PTPRD: variants seen among roughly 807,000 people sequenced by gnomAD.
PTPRD encodes the protein protein tyrosine phosphatase receptor type D.
A neutral mutation model predicts 214.5 loss-of-function variants in PTPRD; 34 were observed. The observed-to-expected ratio is 0.16, with a 90% CI of 0.12 to 0.21. The LOEUF is 0.21. Among genes scored for constraint, PTPRD ranks in the 10% least tolerant of loss-of-function variants. The probability of loss-of-function intolerance (pLI) is 1.00; values close to 1 mark genes in which losing one functional copy is unlikely to be tolerated. For synonymous variants in PTPRD, 1,128 were observed against 845.7 expected, an observed-to-expected ratio of 1.33 and a Z score of -5.79; for missense variants, 2,545 against 2,398.7, an observed-to-expected ratio of 1.06 and a Z score of -1.27.
At chr9:8,874,863 G>A (rs935553446) in intron 11 of PTPRD, among the ~76,000 whole-genome samples, 1 of 152,200 alleles carries the variant, frequency 6.6e-6, no homozygotes, top group African/African-American at 2.4e-5. Flanking sequence ...GTGAGACAAT[G>A]TCTAGATATT....
At chr9:9,228,680 A>T (rs1427623723) in intron 9 of PTPRD, among the ~76,000 whole-genome samples, 1 of 152,140 alleles carries the variant, frequency 6.6e-6, no homozygotes, top group African/African-American at 2.4e-5. Flanking sequence ...AATGAATGAA[A>T]TCTTACAATG....
At chr9:9,887,167 T>C (rs535435515) in intron 5 of PTPRD, among the ~76,000 whole-genome samples, 30 of 152,262 alleles carry the variant, frequency 2.0e-4, no homozygotes, top group African/African-American at 6.3e-4. Context: ...TCAACTTTCA[T>C]ATTTTTTCTC....
intron 4 of PTPRD, among the ~76,000 whole-genome samples, chr9:9,960,761 A>T (rs76156620): frequency 6.6e-6 from 1 of 152,190 alleles, no homozygotes; most frequent in East Asian, 1.9e-4. Flanking sequence ...CTAAAGACAC[A>T]TGATAACTAA....
intron 2 of PTPRD, among the ~76,000 whole-genome samples, chr9:10,485,175 G>A (rs1045771594): frequency 3.8e-4 from 58 of 151,910 alleles, no homozygotes; most frequent in African/African-American, 1.2e-3. Context: ...TTCACTGCAG[G>A]TATGTAAACT....
intron 11 of PTPRD, among the ~76,000 whole-genome samples, chr9:8,931,673 T>C (rs866331945): frequency 5.9e-5 from 9 of 152,102 alleles, no homozygotes; most frequent in Non-Finnish European, 1.0e-4. Flanking sequence ...ATGATGCATG[T>C]CTCATGAAAT....
At chr9:9,586,901 C>T (rs895605399) in intron 7 of PTPRD, among the ~76,000 whole-genome samples, 2 of 151,888 alleles carry the variant, frequency 1.3e-5, no homozygotes, top group African/African-American at 4.8e-5. Context: ...TCTTATTCTT[C>T]TTCATCAATT....
chr9:9,219,561 A>G (rs1593855303), intron 9 of PTPRD, among the ~76,000 whole-genome samples: 1 of 152,146 alleles, frequency 6.6e-6, no homozygotes, highest in Non-Finnish European at 1.5e-5. Context: ...TTCTTTCCCA[A>G]TAATACATAT....
At chr9:10,293,745 G>A (rs1475646209) in intron 3 of PTPRD, among the ~76,000 whole-genome samples, 1 of 152,056 alleles carries the variant, frequency 6.6e-6, no homozygotes, top group East Asian at 1.9e-4. Context: ...GTTTTGAGAT[G>A]TAATTCTAGC....
chr9:8,620,548 G>C (rs1428280958), intron 14 of PTPRD, among the ~76,000 whole-genome samples: 2 of 152,086 alleles, frequency 1.3e-5, no homozygotes, highest in Non-Finnish European at 2.9e-5. Flanking sequence ...GCAATGAGAG[G>C]AGATAGAAAC....
intron 2 of PTPRD, among the ~76,000 whole-genome samples, chr9:10,414,222 C>G (rs1429887620): frequency 6.6e-6 from 1 of 151,692 alleles, no homozygotes; most frequent in African/African-American, 2.4e-5. Context: ...AAAGGTCTAA[C>G]ATCTAGCGTC....
At chr9:9,833,931 T>C (rs2055887891) in intron 5 of PTPRD, among the ~76,000 whole-genome samples, 1 of 152,048 alleles carries the variant, frequency 6.6e-6, no homozygotes, top group Non-Finnish European at 1.5e-5. Flanking sequence ...ACATGCTGTA[T>C]AATTTTTGTA....
At chr9:8,919,584 C>G (rs2098810814) in intron 11 of PTPRD, among the ~76,000 whole-genome samples, 1 of 152,128 alleles carries the variant, frequency 6.6e-6, no homozygotes, top group South Asian at 2.1e-4. Context: ...AATGCTGTGT[C>G]ATGCAGAAAC....
At chr9:9,766,227 C>T (rs1015825555) in intron 6 of PTPRD, among the ~76,000 whole-genome samples, 9 of 152,108 alleles carry the variant, frequency 5.9e-5, no homozygotes, top group African/African-American at 2.2e-4. Context: ...TCTTTAATAA[C>T]ATCTTTTTTC....
chr9:8,779,190 G>A (rs1165180187), intron 11 of PTPRD, among the ~76,000 whole-genome samples: 1 of 152,184 alleles, frequency 6.6e-6, no homozygotes, highest in Non-Finnish European at 1.5e-5. Flanking sequence ...GGAAGACAGA[G>A]AGAGCGAGCG....
chr9:9,817,045 G>A (rs1474287825), intron 5 of PTPRD, among the ~76,000 whole-genome samples: 1 of 151,984 alleles, frequency 6.6e-6, no homozygotes, highest in African/African-American at 2.4e-5. Flanking sequence ...TAAATTACCA[G>A]CTGTCAAAAA....
chr9:9,827,642 C>G (rs995792873), intron 5 of PTPRD, among the ~76,000 whole-genome samples: 2 of 152,038 alleles, frequency 1.3e-5, no homozygotes, highest in African/African-American at 4.8e-5. Context: ...GCAACAAAAG[C>G]CAAAACTGAT....
chr9:9,152,715 T>C (rs1055016681), intron 10 of PTPRD, among the ~76,000 whole-genome samples: 1 of 152,190 alleles, frequency 6.6e-6, no homozygotes, highest in Non-Finnish European at 1.5e-5. Context: ...TGTCACCCAG[T>C]GGTTTCTTTT....
intron 8 of PTPRD, among the ~76,000 whole-genome samples, chr9:9,513,414 G>A (rs1178894125): frequency 6.6e-6 from 1 of 151,764 alleles, no homozygotes; most frequent in Non-Finnish European, 1.5e-5. Flanking sequence ...GAAAGGGGAT[G>A]TTTTTACTCA....
At chr9:8,922,713 C>T (rs1202960111) in intron 11 of PTPRD, among the ~76,000 whole-genome samples, 4 of 152,054 alleles carry the variant, frequency 2.6e-5, no homozygotes, top group Non-Finnish European at 4.4e-5. Flanking sequence ...GTGGCGCGAT[C>T]TCAGCTCACC....
Sources: gnomAD v4.1 joint callset for allele counts (sites outside exome capture counted in the v4.1 genomes callset) on GRCh38, gnomAD v4.1.1 for gene constraint, MANE v1.5 for transcripts, NCBI Gene and HGNC (gene_info 2026-07-23, HGNC 2026-07-21) for gene names.